Variants in CRTC1 observed in about 807,000 individuals in gnomAD.
CRTC1 encodes CREB-regulated transcription coactivator 1.
A neutral mutation model predicts 66.1 loss-of-function variants in CRTC1; 18 were observed. The observed-to-expected ratio is 0.27, with a 90% confidence interval of 0.19 to 0.40. CRTC1 has a LOEUF of 0.40. Ranked by LOEUF, CRTC1 falls within the 10% of genes least tolerant of loss-of-function variation. The pLI is 1.00. For missense variants in CRTC1, 669 were observed against 887.9 expected, an observed-to-expected ratio of 0.75 and a Z score of 3.13; for synonymous variants, 416 against 398.8, an observed-to-expected ratio of 1.04 and a Z score of -0.51.
chr19:18,755,302 T>C (rs979184260), intron 6 of CRTC1, among the ~76,000 whole-genome samples: 1 of 152,112 alleles, frequency 6.6e-6, no homozygotes, highest in Non-Finnish European at 1.5e-5. Context: ...CTCTTATGCC[T>C]AGGCAAGAGT....
At chr19:18,773,348 G>T (rs1224374018) in intron 11 of CRTC1, among the ~76,000 whole-genome samples, 1 of 152,168 alleles carries the variant, frequency 6.6e-6, no homozygotes, top group African/African-American at 2.4e-5. Context: ...TGGGCCACAG[G>T]CAGCTACCAT....
chr19:18,687,011 C>CTT (rs35032428), intron 1 of CRTC1, among the ~76,000 whole-genome samples: 17,326 of 103,282 alleles, frequency 0.17, 2,185 homozygotes, highest in East Asian at 0.46. Context: ...GACTGAGAAA[C>CTT]TTTTTTTTTT....
chr19:18,686,562 G>A (rs762956949), intron 1 of CRTC1, among the ~76,000 whole-genome samples: 32 of 152,206 alleles, frequency 2.1e-4, no homozygotes, highest in Non-Finnish European at 4.3e-4. Context: ...CAGAAGAATC[G>A]CTTGAACCTG....
Position 18,771,950 on chromosome 19 carries a change from G to T in CRTC1, c.1425+404G>T, listed in dbSNP as rs1463033014. ...TGCAGCTGAGGTGGCTGGCCCGCCC[G>T]CAGGGAAGGCGCTGACTCTGCAGCC... On this transcript the variant is annotated intron_variant, in intron 11 of 13. Coordinates refer to ENST00000321949, the MANE Select transcript of CRTC1 (RefSeq NM_015321.3). This position sits in a 1 kb window ranked among gnomAD's most constrained non-coding sequence, Gnocchi z 4.6. 2.0e-5 allele frequency among the ~76,000 whole-genome samples: 3 copies of T among 152,246 alleles called. No individual in the cohort carries two copies. Among genetic ancestry groups the T allele is most frequent in the African/African-American group, 2.4e-5 (1 of 41,534 alleles).
chr19:18,691,581 A>G (rs1600748203), intron 1 of CRTC1, among the ~76,000 whole-genome samples: 1 of 151,240 alleles, frequency 6.6e-6, no homozygotes, highest in African/African-American at 2.4e-5. Flanking sequence ...GGAGAGGACC[A>G]TGTGACAATG....
At chr19:18,719,882 G>A (rs2053585222) in intron 1 of CRTC1, among the ~76,000 whole-genome samples, 1 of 152,232 alleles carries the variant, frequency 6.6e-6, no homozygotes, top group Non-Finnish European at 1.5e-5. Flanking sequence ...ATGGGCACAG[G>A]CCCGCTCCGG....
At chr19:18,735,993 C>T (rs926205024) in intron 1 of CRTC1, among the ~76,000 whole-genome samples, 2 of 152,176 alleles carry the variant, frequency 1.3e-5, no homozygotes, top group African/African-American at 4.8e-5. Context: ...GGTGGGGACA[C>T]TGCCGTGGTG....
chr19:18,742,031 A>G (rs903161182), intron 1 of CRTC1, among the ~76,000 whole-genome samples: 2 of 151,902 alleles, frequency 1.3e-5, no homozygotes, highest in Admixed American at 1.3e-4. Context: ...CTGCCTGCCC[A>G]GCCCCACCTC....
chr19:18,780,395 C>T lies in CRTC1; in HGVS notation c.*3013C>T, dbSNP rs572966601. On this transcript the variant is annotated 3_prime_UTR_variant, in exon 14 of 14. Coordinates refer to ENST00000321949, the MANE Select transcript of CRTC1 (RefSeq NM_015321.3). The stretch of plus-strand genomic sequence containing the variant: ...CAAGTCTTGCAGGCAGAGGGTGTAG[C>T]CCAAGTTCAGCCTCTCTCTGTGTCC... 1 of 232,330 alleles carries T rather than the reference C, an allele frequency of 4.3e-6. No homozygotes were observed. The highest frequency in any genetic ancestry group is 5.6e-5 in the Admixed American group (1 of 17,756). 14.4% of individuals were successfully genotyped at this position (232,330 alleles called of 1,614,324 possible). A position where few individuals can be genotyped will look rare whatever the true frequency, so the allele number is the denominator to read the frequency against.
In CRTC1 at chr19:18,745,925, C is replaced by T. The variant is rs773905721; in HGVS notation, c.346C>T (p.Arg116Cys). Residue 116 changes from arginine to cysteine, a missense_variant, in exon 3 of 14, where the codon CGC becomes TGC. This residue lies in a region of CRTC1 where 214 missense variants were observed against 323.4 expected (regional missense o/e 0.66). Coordinates refer to ENST00000321949, the MANE Select transcript of CRTC1 (RefSeq NM_015321.3). The part of the protein sequence containing the change: ...RERGRLGSPH[R>C]RPLSVDKHGR... ...GCGTGGCCGGCTCGGCTCCCCACAC[C>T]GCCGGCCCCTGTCAGTGGACAAACA... 12 of 1,612,718 alleles carry T rather than the reference C, an allele frequency of 7.4e-6. No homozygotes were observed. Among genetic ancestry groups the T allele is most frequent in the South Asian group, 3.3e-5 (3 of 90,994 alleles).
At chr19:18,695,010 A>G (rs1338529750) in intron 1 of CRTC1, among the ~76,000 whole-genome samples, 3 of 151,780 alleles carry the variant, frequency 2.0e-5, no homozygotes, top group Non-Finnish European at 4.4e-5. Context: ...AGCGGAGACT[A>G]TAGGCACGCG....
At chr19:18,719,551 C>T (rs1035560465) in intron 1 of CRTC1, among the ~76,000 whole-genome samples, 9 of 152,210 alleles carry the variant, frequency 5.9e-5, no homozygotes, top group Non-Finnish European at 1.0e-4. Flanking sequence ...TATTTTGGGC[C>T]CATGGTAATG....
intron 5 of CRTC1, among the ~76,000 whole-genome samples, chr19:18,752,645 C>CT (rs910534597): frequency 2.5e-3 from 354 of 142,984 alleles, no homozygotes; most frequent in Middle Eastern, 7.2e-3. Flanking sequence ...CTCTTTCTTT[C>CT]TTTTTTTTTT....
intron 6 of CRTC1, 125 bp downstream of exon 6, chr19:18,753,710 G>A (rs1378907261): frequency 9.2e-6 from 6 of 653,836 alleles, no homozygotes; most frequent in Admixed American, 5.5e-5. Context: ...ACCTCACTCC[G>A]ATTTTTCCAT....
At chr19:18,746,108 C>T (rs577596461) in intron 3 of CRTC1, 148 bp downstream of exon 3, 3 of 1,179,470 alleles carry the variant, frequency 2.5e-6, no homozygotes, top group Non-Finnish European at 3.5e-6. Context: ...GGCTTGATCT[C>T]AGGGCAGCCT....
rs929662181 is a variant in CRTC1 at position 18,753,116 on chromosome 19, T to TA, written c.539-374dup. 4.5e-4 allele frequency among the ~76,000 whole-genome samples: 66 copies of TA among 147,642 alleles called. 1 individual carries two copies. The highest frequency in any genetic ancestry group is 8.8e-4 in the Admixed American group (13 of 14,840). ...CCGTCTCTACTAAAAATAAAAAAAA[T>TA]AAAAAAAAAATTAGCCTGGCATCGT... On this transcript the variant is annotated intron_variant, in intron 5 of 13. Transcript: ENST00000321949.
chr19:18,768,840 G>C lies in CRTC1; in HGVS notation c.1320+47G>C. On this transcript the variant is annotated intron_variant, in intron 10 of 13. Transcript: ENST00000321949. This position sits in a 1 kb window ranked among gnomAD's most constrained non-coding sequence, Gnocchi z 5.6. The stretch of plus-strand genomic sequence containing the variant: ...TCGGGGCCTGACTGGGGGTCTTGTA[G>C]AGGACAGCCCGGGGGCTGCAGAACA... The C allele has an allele frequency of 6.5e-7, 1 of 1,549,896 alleles. No individual in the cohort carries two copies. The highest frequency in any genetic ancestry group is 8.7e-7 in the Non-Finnish European group (1 of 1,148,498).
chr19:18,747,505 G>A (rs923393768), intron 4 of CRTC1, among the ~76,000 whole-genome samples: 20 of 152,192 alleles, frequency 1.3e-4, no homozygotes, highest in African/African-American at 3.9e-4. Flanking sequence ...GCATGGTGGC[G>A]CATGCCTGTA....
intron 5 of CRTC1, among the ~76,000 whole-genome samples, chr19:18,751,220 G>A (rs544899844): frequency 6.6e-6 from 1 of 151,880 alleles, no homozygotes; most frequent in African/African-American, 2.4e-5. Context: ...TGTGCAACAG[G>A]CATAAAGAAA....
Sources: gnomAD v4.1 joint callset for allele counts (sites outside exome capture counted in the v4.1 genomes callset) on GRCh38, gnomAD v4.1.1 for gene constraint, gnomAD v4.1.1 regional missense constraint, Gnocchi (gnomAD v3.1) non-coding constraint, MANE v1.5 for transcripts, NCBI Gene and HGNC (gene_info 2026-07-23, HGNC 2026-07-21) for gene names.